Variants in RMP64 observed in about 807,000 individuals in gnomAD.
The protein encoded by RMP64 is nucleolus and neural progenitor protein.
chr3:113,014,907 A>G, the RMP64 span: 3 of 151,836 alleles, frequency 2.0e-5, no homozygotes, highest in East Asian at 1.9e-4. Flanking sequence ...GTGCTTTACC[A>G]TCTGGGTTTG....
the RMP64 span, chr3:113,010,714 T>C: frequency 1.9e-6 from 3 of 1,609,862 alleles, no homozygotes; most frequent in Non-Finnish European, 2.5e-6. Flanking sequence ...TCTGTGGAGG[T>C]GGAAAAATTG....
chr3:113,010,266 G>A, the RMP64 span, among the ~76,000 whole-genome samples: 1 of 152,272 alleles, frequency 6.6e-6, no homozygotes, highest in South Asian at 2.1e-4. Flanking sequence ...ACAAAATAGA[G>A]GTACGGAGAG....
the RMP64 span, among the ~76,000 whole-genome samples, chr3:113,015,318 CT>C: frequency 6.6e-6 from 1 of 152,110 alleles, no homozygotes; most frequent in East Asian, 1.9e-4. Flanking sequence ...ATACATTGCC[CT>C]TGTGGAGCTT....
chr3:113,017,654 A>C, the RMP64 span: 1 of 1,491,890 alleles, frequency 6.7e-7, no homozygotes, highest in African/African-American at 1.4e-5. Flanking sequence ...CAGTAAGTAT[A>C]TTATATTAAA....
the RMP64 span, chr3:113,012,715 G>A: frequency 7.3e-7 from 1 of 1,362,572 alleles, no homozygotes; most frequent in South Asian, 1.2e-5. Flanking sequence ...AATGAAGGAT[G>A]TCAGAGGTAT....
the RMP64 span, among the ~76,000 whole-genome samples, chr3:113,007,924 G>A: frequency 6.6e-6 from 1 of 152,166 alleles, no homozygotes; most frequent in Non-Finnish European, 1.5e-5. Context: ...GTTCCTGAAT[G>A]AGCTGATGGA....
At chr3:113,011,334 G>A in the RMP64 span, 13 of 1,612,874 alleles carry the variant, frequency 8.1e-6, no homozygotes, top group African/African-American at 1.3e-5. Flanking sequence ...GAATCCTAGC[G>A]ACCTCTTGAA....
the RMP64 span, chr3:113,005,430 C>T: frequency 1.4e-6 from 1 of 703,260 alleles, no homozygotes; most frequent in East Asian, 2.6e-5. Flanking sequence ...TGCACTAAAG[C>T]AGCTCCTCTG....
the RMP64 span, chr3:113,005,985 A>C: frequency 6.2e-7 from 1 of 1,609,268 alleles, no homozygotes. Context: ...GTTTTTATGC[A>C]CTCTAGTTTC....
At chr3:113,017,558 G>A in the RMP64 span, 4 of 1,614,088 alleles carry the variant, frequency 2.5e-6, no homozygotes, top group Non-Finnish European at 3.4e-6. Flanking sequence ...TTCAGCGACA[G>A]TATGACGAGA....
At chr3:113,002,689 T>TAA in the RMP64 span, 1 of 153,822 alleles carries the variant, frequency 6.5e-6, no homozygotes, top group African/African-American at 2.4e-5. Flanking sequence ...TTTTAATAGA[T>TAA]AAAAGTAGAA....
the RMP64 span, chr3:113,013,825 C>A: frequency 1.4e-6 from 1 of 734,536 alleles, no homozygotes; most frequent in Non-Finnish European, 2.4e-6. Context: ...CACATTAAAA[C>A]AAAATTTATA....
chr3:113,018,223 T>C, the RMP64 span, among the ~76,000 whole-genome samples: 1 of 152,222 alleles, frequency 6.6e-6, no homozygotes, highest in Non-Finnish European at 1.5e-5. Flanking sequence ...ATGTGTTATT[T>C]ATGGCTCTAA....
the RMP64 span, chr3:113,019,252 C>G: frequency 2.2e-6 from 1 of 458,030 alleles, no homozygotes; most frequent in Non-Finnish European, 3.9e-6. Flanking sequence ...CCGGCACCAG[C>G]TGAGTCCACC....
the RMP64 span, chr3:113,011,350 CCAAA>C: frequency 6.2e-7 from 1 of 1,609,640 alleles, no homozygotes; most frequent in East Asian, 2.2e-5. Context: ...TTGAAGCAAT[CCAAA>C]CAAAGGCTCA....
chr3:113,012,544 C>A, the RMP64 span: 1 of 437,340 alleles, frequency 2.3e-6, no homozygotes, highest in Non-Finnish European at 4.0e-6. Context: ...GATACAAAGC[C>A]TACTCCTTTG....
At chr3:113,003,361 A>T in the RMP64 span, 1 of 152,112 alleles carries the variant, frequency 6.6e-6, no homozygotes, top group East Asian at 1.9e-4. Flanking sequence ...TAATAATAAT[A>T]ATTCACTACG....
chr3:113,006,208 ATG>A, the RMP64 span, among the ~76,000 whole-genome samples: 7 of 152,106 alleles, frequency 4.6e-5, no homozygotes, highest in Non-Finnish European at 7.4e-5. Flanking sequence ...GTGTAGACGA[ATG>A]TGTCCCCATT....
At chr3:113,013,340 C>T in the RMP64 span, 1 of 1,613,882 alleles carries the variant, frequency 6.2e-7, no homozygotes, top group Non-Finnish European at 8.5e-7. Context: ...CCTTCATCAA[C>T]ACCAACTCCA....
Sources: allele counts gnomAD v4.1 joint callset (sites outside exome capture counted in the v4.1 genomes callset), GRCh38; gene constraint gnomAD v4.1.1; transcripts MANE v1.5; gene names NCBI Gene and HGNC (gene_info 2026-07-23, HGNC 2026-07-21).